TNN: variants seen among roughly 807,000 people sequenced by gnomAD.
The protein encoded by TNN is tenascin N.
TNN carries 122 observed loss-of-function variants against 134.4 expected under a neutral mutation model. The observed-to-expected ratio is 0.91, with a 90% CI of 0.78 to 1.06. TNN has a LOEUF of 1.06. TNN is among the 50% of genes least tolerant of loss of function. TNN has a pLI of 0.00. For missense variants in TNN, 1,739 were observed against 1,699.4 expected, an observed-to-expected ratio of 1.02 and a Z score of -0.41; for synonymous variants, 710 against 670.3, an observed-to-expected ratio of 1.06 and a Z score of -0.91.
chr1:175,125,830 CTTTCTTTTTTCTTTTTCTTT>C (rs1675513621), intron 12 of TNN, among the ~76,000 whole-genome samples: 1 of 49,444 alleles, frequency 2.0e-5, no homozygotes, highest in Non-Finnish European at 3.9e-5. Flanking sequence ...TCCTTTCTTT[CTTTCTTTTTTCTTTTTCTTT>C]CTTTCTTTTT....
rs374454781 is a variant in TNN at position 175,118,670 on chromosome 1, G to A, written c.2496G>A (p.Thr832=). The change falls in exon 11 of 19, where the codon ACG becomes ACA. Residue 832 remains threonine (T), a synonymous_variant. Transcript: ENST00000239462. ...ATIDRYVVHY[T]SANGETREVP... ...TTGACAGGTATGTGGTGCACTACACGTCTGCCAACGGAGAGACCAGGGAGG... is the reference window on the plus strand; with the variant it reads ...TTGACAGGTATGTGGTGCACTACACATCTGCCAACGGAGAGACCAGGGAGG... 5.5e-5 allele frequency: 88 copies of A among 1,614,210 alleles called. No individual in the cohort carries two copies. Among genetic ancestry groups the A allele is most frequent in the East Asian group, 2.2e-4 (10 of 44,886 alleles).
chr1:175,078,831 G>T (rs1008356259), intron 2 of TNN, among the ~76,000 whole-genome samples: 1 of 152,092 alleles, frequency 6.6e-6, no homozygotes, highest in African/African-American at 2.4e-5. Flanking sequence ...CTGCAGTTCC[G>T]TTTTTTCCAG....
chr1:175,116,978 C>G lies in TNN; in HGVS notation c.2159C>G (p.Thr720Arg). Residue 720 changes from threonine to arginine, a missense_variant, in exon 10 of 19, where the codon ACA (threonine) becomes AGA (arginine). Transcript: ENST00000239462. ...SPQNLVTDRVTENMATVSWDP... is the reference protein window; with the variant it reads ...SPQNLVTDRVRENMATVSWDP... ...CAAAACCTGGTGACCGACCGGGTGA[C>G]AGAGAATATGGCCACTGTCTCCTGG... The G allele has an allele frequency of 6.2e-7, 1 of 1,614,206 alleles. No homozygotes were observed.
chr1:175,144,954 C>T (rs1205329753), intron 18 of TNN, among the ~76,000 whole-genome samples: 1 of 152,068 alleles, frequency 6.6e-6, no homozygotes, highest in East Asian at 1.9e-4. Flanking sequence ...CTGGGAAGTC[C>T]AAGATCAGAC....
In TNN at chr1:175,144,194, G is replaced by A. The variant is rs149432629; in HGVS notation, c.3596-193G>A. Among the ~76,000 whole-genome samples, 12 of 152,294 alleles carry A rather than the reference G, an allele frequency of 7.9e-5. No homozygotes were observed. The East Asian group carries it at 2.3e-3, about 29-fold the overall frequency. ...AAACAGGCCTGAAGTTGGGGTACAG[G>A]CCAGGAAAGACAGCTTGTTCCCATG... is the stretch of plus-strand genomic sequence containing the variant. On this transcript the variant is annotated intron_variant, in intron 17 of 18. Transcript: ENST00000239462.
chr1:175,090,258 G>A (rs1457145340), intron 6 of TNN, among the ~76,000 whole-genome samples: 1 of 152,172 alleles, frequency 6.6e-6, no homozygotes, highest in Non-Finnish European at 1.5e-5. Context: ...CAAAGCTGGA[G>A]GACAACAGGA....
chr1:175,088,612 G>A (rs958626930), intron 6 of TNN, among the ~76,000 whole-genome samples: 1 of 152,192 alleles, frequency 6.6e-6, no homozygotes, highest in Non-Finnish European at 1.5e-5. Flanking sequence ...AAGCCTTCCT[G>A]TAGCCAGACT....
At chr1:175,125,743 TTCTTTCTTTCTTTC>T (rs1558369417) in intron 12 of TNN, among the ~76,000 whole-genome samples, 2 of 133,058 alleles carry the variant, frequency 1.5e-5, no homozygotes, top group African/African-American at 3.1e-5. Context: ...CTTTCTTTCT[TTCTTTCTTTCTTTC>T]TCTCTCTCTC....
chr1:175,122,139 C>T (rs181732586), intron 11 of TNN, among the ~76,000 whole-genome samples: 4 of 151,630 alleles, frequency 2.6e-5, no homozygotes, highest in African/African-American at 9.7e-5. Context: ...ACCTGTAATC[C>T]CAGAACTTTT....
chr1:175,118,800 A>G lies in TNN; in HGVS notation c.2626A>G (p.Lys876Glu), dbSNP rs1239702273. ...CCAGAAGGGGAACCAGGAGAGCAAGAAGGCTGACACCAAGGCCCAGACAGG... is the reference window on the plus strand; with the variant it reads ...CCAGAAGGGGAACCAGGAGAGCAAGGAGGCTGACACCAAGGCCCAGACAGG... ...WAQKGNQESK[K>E]ADTKAQTEID... The change falls in exon 11 of 19, where the codon AAG becomes GAG. Residue 876 changes from lysine (K) to glutamate (E), a missense_variant. By Grantham distance (56) the Lys-to-Glu change is moderately conservative. Transcript: ENST00000239462. 6.2e-7 allele frequency: 1 copy of G among 1,614,220 alleles called. No homozygotes were observed. The highest frequency in any genetic ancestry group is 1.7e-5 in the Admixed American group (1 of 60,030).
intron 11 of TNN, among the ~76,000 whole-genome samples, chr1:175,119,065 G>T (rs1407239967): frequency 6.6e-6 from 1 of 152,252 alleles, no homozygotes; most frequent in Non-Finnish European, 1.5e-5. Flanking sequence ...CAGACCCTTA[G>T]AAAGGGTTCT....
intron 15 of TNN, among the ~76,000 whole-genome samples, chr1:175,134,727 C>G (rs1038657922): frequency 1.3e-5 from 2 of 152,152 alleles, no homozygotes; most frequent in African/African-American, 4.8e-5. Context: ...GTCACCACCT[C>G]TGTCAACTTT....
At chr1:175,071,109 C>T (rs1673905516) in intron 1 of TNN, among the ~76,000 whole-genome samples, 1 of 152,192 alleles carries the variant, frequency 6.6e-6, no homozygotes, top group Non-Finnish European at 1.5e-5. Flanking sequence ...TACACTTTTT[C>T]TAAAACCCAA....
chr1:175,129,304 A>G (rs1005808571), intron 15 of TNN, among the ~76,000 whole-genome samples: 1 of 152,142 alleles, frequency 6.6e-6, no homozygotes, highest in Non-Finnish European at 1.5e-5. Context: ...AACACTGTCA[A>G]TCTGTTCCCT....
Position 175,123,511 on chromosome 1 carries a change from CT to C in TNN, c.2763del (p.Ala922LeufsTer19). 2 of 1,614,116 alleles carry C rather than the reference CT, an allele frequency of 1.2e-6. No individual in the cohort carries two copies. Among genetic ancestry groups the C allele is most frequent in the East Asian group, 2.2e-5 (1 of 44,882 alleles). On this transcript the variant is annotated frameshift_variant, in exon 12 of 19. Coordinates refer to ENST00000239462, the MANE Select transcript of TNN (RefSeq NM_022093.2). LOFTEE classifies it high-confidence loss of function. Reference protein sequence around the residue: ...TIDKYMVRYTSADGETREVPV... With the variant: ...TIDKYMVRYTXADGETREVPV... ...GACAAGTACATGGTGCGCTACACCT[CT>C]GCTGACGGAGAGACCAGGGAGGTTC... is the stretch of plus-strand genomic sequence containing the variant.
chr1:175,144,516 C>T lies in TNN; in HGVS notation c.3725C>T (p.Pro1242Leu). 2 of 1,614,100 alleles carry T rather than the reference C, an allele frequency of 1.2e-6. No homozygotes were observed. Among genetic ancestry groups the T allele is most frequent in the African/African-American group, 1.3e-5 (1 of 74,940 alleles). ...WWYKNCHLAN[P>L]NGRYGETKHS... ...TATAAGAACTGCCACTTGGCCAACC[C>T]TAATGGCAGATATGGGGAGACCAAG... Residue 1242 changes from proline (P) to leucine (L), a missense_variant, in exon 18 of 19, where the codon CCT becomes CTT. Transcript: ENST00000239462.
chr1:175,146,980 T>C lies in TNN; in HGVS notation c.3809T>C (p.Val1270Ala). ...GGACATGAATTCTCCATTCCTTACG[T>C]GGAGTTGAAAATCCGCCCTCATGGC... ...WKGHEFSIPY[V>A]ELKIRPHGYS... Residue 1270 changes from valine (V) to alanine (A), a missense_variant, in exon 19 of 19, where the codon GTG becomes GCG. Val to Ala is a moderately conservative substitution (Grantham distance 64). Coordinates refer to ENST00000239462, the MANE Select transcript of TNN (RefSeq NM_022093.2). 1.9e-6 allele frequency: 3 copies of C among 1,598,940 alleles called. No homozygotes were observed. Among genetic ancestry groups the C allele is most frequent in the Non-Finnish European group, 2.6e-6 (3 of 1,171,760 alleles).
chr1:175,117,845 C>T (rs115573729), intron 10 of TNN, among the ~76,000 whole-genome samples: 109 of 152,234 alleles, frequency 7.2e-4, no homozygotes, highest in East Asian at 4.8e-3. Flanking sequence ...GCAGAGTGTA[C>T]GTTGGCCAGA....
chr1:175,122,328 C>T (rs1245686403), intron 11 of TNN, among the ~76,000 whole-genome samples: 2 of 152,134 alleles, frequency 1.3e-5, no homozygotes, highest in African/African-American at 4.8e-5. Context: ...GTCAAGGCTG[C>T]AGTGACCTAT....
Sources: gnomAD v4.1 joint callset for allele counts (sites outside exome capture counted in the v4.1 genomes callset) on GRCh38, gnomAD v4.1.1 for gene constraint, MANE v1.5 for transcripts, NCBI Gene and HGNC (gene_info 2026-07-23, HGNC 2026-07-21) for gene names.